Variants in GNB4 observed in about 807,000 individuals in gnomAD.
The protein encoded by GNB4 is G protein subunit beta 4, also known as guanine nucleotide-binding protein subunit beta-4.
GNB4 carries 28 observed loss-of-function variants against 45.2 expected under a neutral mutation model. The ratio of observed to expected loss-of-function variants is 0.62; its 90% CI spans 0.46 to 0.85. The LOEUF (loss-of-function observed/expected upper bound fraction) is 0.85, where lower values mean the gene tolerates loss of function less well. GNB4 is among the 40% of genes least tolerant of loss of function. The pLI is 0.00. For missense variants in GNB4, 321 were observed against 425.4 expected (o/e 0.75, Z 2.16); for synonymous variants, 132 against 143.7 (o/e 0.92, Z 0.58).
chr3:179,521,498 C>T, the GNB4 span, among the ~76,000 whole-genome samples: 1 of 152,186 alleles, frequency 6.6e-6, no homozygotes, highest in African/African-American at 2.4e-5. Flanking sequence ...TGGACTGCAC[C>T]CCAAAAAAAC....
upstream of GNB4, among the ~76,000 whole-genome samples, chr3:179,453,386 T>A (rs1422030814): frequency 6.6e-6 from 1 of 152,218 alleles, no homozygotes; most frequent in African/African-American, 2.4e-5. Flanking sequence ...CCTCCCAAAG[T>A]GCTGGAATTA....
At chr3:179,413,871 G>T in intron 6 of GNB4, 90 bp from the exon 7 acceptor site, 5 of 896,968 alleles carry the variant, frequency 5.6e-6, no homozygotes, top group Non-Finnish European at 8.7e-6. Context: ...TTTAAAAATA[G>T]AATACTTGGG....
intron 1 of GNB4, among the ~76,000 whole-genome samples, chr3:179,427,139 TTA>T: frequency 6.6e-6 from 1 of 152,064 alleles, no homozygotes; most frequent in South Asian, 2.1e-4. Flanking sequence ...GTCTCTGATT[TTA>T]TAATCCCTTG....
chr3:179,405,291 C>G lies in GNB4; in HGVS notation c.815G>C (p.Gly272Ala). 6.2e-7 allele frequency: 1 copy of G among 1,614,158 alleles called. No homozygotes were observed. Among genetic ancestry groups the G allele is most frequent in the Non-Finnish European group, 8.5e-7 (1 of 1,179,990 alleles). ...LLYSHDNIIC[G>A]ITSVAFSKSG... Reference sequence around the variant, plus strand: ...TTTTGAGAAGGCTACAGAAGTGATTCCACAGATGATATTGTCATGAGAATA... The same window carrying G: ...TTTTGAGAAGGCTACAGAAGTGATTGCACAGATGATATTGTCATGAGAATA... The change falls in exon 9 of 10, where the codon GGA (glycine) becomes GCA (alanine). Residue 272 changes from glycine (G) to alanine (A), a missense_variant. Gly to Ala is a moderately conservative substitution (Grantham distance 60). Coordinates refer to ENST00000232564, the MANE Select transcript of GNB4 (RefSeq NM_021629.4).
chr3:179,513,264 G>A, the GNB4 span, among the ~76,000 whole-genome samples: 1 of 142,942 alleles, frequency 7.0e-6, no homozygotes, highest in Admixed American at 7.5e-5. Flanking sequence ...GCTCACTCTA[G>A]CCTTGACCTC....
At chr3:179,520,799 T>C in the GNB4 span, among the ~76,000 whole-genome samples, 97 of 152,252 alleles carry the variant, frequency 6.4e-4, no homozygotes, top group Non-Finnish European at 1.2e-3. Flanking sequence ...TTTCCCCAAA[T>C]TTCCTTCTTT....
At chr3:179,494,377 G>A in the GNB4 span, among the ~76,000 whole-genome samples, 1 of 151,402 alleles carries the variant, frequency 6.6e-6, no homozygotes, top group Non-Finnish European at 1.5e-5. Context: ...AGAAGGGAGG[G>A]AGAAAAAATC....
At chr3:179,496,303 AG>A in the GNB4 span, among the ~76,000 whole-genome samples, 1 of 152,144 alleles carries the variant, frequency 6.6e-6, no homozygotes, top group Admixed American at 6.5e-5. Context: ...ATAAAGCAAA[AG>A]CCTATAGTAG....
At position 179,401,309 on chromosome 3, in the gene GNB4, A is replaced by T. The variant is rs769787081; in HGVS notation, c.927T>A (p.Ala309=). The part of the protein sequence containing the change: ...TLKGDRAGVL[A]GHDNRVSCLG... ...AGCAGCTCACACGGTTGTCATGACC[A>T]GCAAGGACACCTGAAAAAAAAATTC... Residue 309 remains alanine, a synonymous_variant, in exon 10 of 10, where the codon GCT becomes GCA. Coordinates refer to ENST00000232564, the MANE Select transcript of GNB4 (RefSeq NM_021629.4). 1.2e-6 allele frequency: 2 copies of T among 1,609,826 alleles called. No individual in the cohort carries two copies. Among genetic ancestry groups the T allele is most frequent in the Admixed American group, 3.4e-5 (2 of 59,344 alleles).
At chr3:179,511,861 G>C in the GNB4 span, among the ~76,000 whole-genome samples, 1 of 152,012 alleles carries the variant, frequency 6.6e-6, no homozygotes, top group Non-Finnish European at 1.5e-5. Context: ...CTGTCCAGTA[G>C]AATTTTTCAT....
chr3:179,475,382 G>A, the GNB4 span, among the ~76,000 whole-genome samples: 2 of 148,826 alleles, frequency 1.3e-5, no homozygotes, highest in Admixed American at 1.3e-4. Flanking sequence ...GCCTCCCAAA[G>A]TGCTGGGATT....
chr3:179,413,154 G>T (rs1016447153), intron 8 of GNB4, among the ~76,000 whole-genome samples: 1 of 151,800 alleles, frequency 6.6e-6, no homozygotes, highest in African/African-American at 2.4e-5. Flanking sequence ...CTCCAGCCTG[G>T]ACGACAGAGC....
chr3:179,513,079 G>A, the GNB4 span, among the ~76,000 whole-genome samples: 2 of 151,648 alleles, frequency 1.3e-5, no homozygotes. Flanking sequence ...AGAGATGTAA[G>A]TTGCAGGCTC....
intron 1 of GNB4, among the ~76,000 whole-genome samples, chr3:179,433,669 G>C (rs947264181): frequency 1.4e-5 from 2 of 147,244 alleles, no homozygotes; most frequent in African/African-American, 2.5e-5. Context: ...AGGTATCTAT[G>C]ATGAGAACAT....
the GNB4 span, among the ~76,000 whole-genome samples, chr3:179,494,860 A>G: frequency 7.4e-6 from 1 of 135,662 alleles, no homozygotes; most frequent in African/African-American, 2.7e-5. Flanking sequence ...GTGAGCCGAG[A>G]TTGCGCCACT....
chr3:179,517,810 C>T, the GNB4 span, among the ~76,000 whole-genome samples: 8 of 152,296 alleles, frequency 5.3e-5, no homozygotes, highest in South Asian at 6.2e-4. Context: ...GCACCGGTAA[C>T]GGACTCGGGA....
chr3:179,497,370 T>G, the GNB4 span, among the ~76,000 whole-genome samples: 2 of 152,182 alleles, frequency 1.3e-5, no homozygotes, highest in African/African-American at 2.4e-5. Context: ...ATTAAAAACT[T>G]AATCATAAGA....
At chr3:179,508,808 C>A in the GNB4 span, among the ~76,000 whole-genome samples, 1 of 151,450 alleles carries the variant, frequency 6.6e-6, no homozygotes, top group East Asian at 1.9e-4. Context: ...TCGTAAAATT[C>A]ATGCATTAGA....
the GNB4 span, among the ~76,000 whole-genome samples, chr3:179,501,825 A>G: frequency 1.3e-5 from 2 of 152,094 alleles, no homozygotes; most frequent in African/African-American, 4.8e-5. Flanking sequence ...TGTTTTCTCT[A>G]TCTTTAAGAA....
Sources: allele counts gnomAD v4.1 joint callset (sites outside exome capture counted in the v4.1 genomes callset), GRCh38; gene constraint gnomAD v4.1.1; transcripts MANE v1.5; gene names NCBI Gene and HGNC (gene_info 2026-07-23, HGNC 2026-07-21).